Variants in SLC1A1 observed in about 807,000 individuals in gnomAD.
SLC1A1 encodes the protein solute carrier family 1 member 1.
SLC1A1 carries 43 observed loss-of-function variants against 53.3 expected under a neutral mutation model. The ratio of observed to expected loss-of-function variants is 0.81; its 90% CI spans 0.63 to 1.04. The LOEUF (loss-of-function observed/expected upper bound fraction) is 1.04, where lower values mean the gene tolerates loss of function less well. SLC1A1 is among the 50% of genes least tolerant of loss of function. SLC1A1 has a pLI of 0.00. For synonymous variants in SLC1A1, 307 were observed against 243.2 expected, an observed-to-expected ratio of 1.26 and a Z score of -2.44; for missense variants, 748 against 664.9, an observed-to-expected ratio of 1.12 and a Z score of -1.37.
intron 2 of SLC1A1, among the ~76,000 whole-genome samples, chr9:4,552,237 A>T (rs1817993784): frequency 6.6e-6 from 1 of 152,220 alleles, no homozygotes; most frequent in Non-Finnish European, 1.5e-5. Context: ...TCTGCTAGAC[A>T]CACAAGGTGT....
At chr9:4,550,882 C>T (rs1817873542) in intron 2 of SLC1A1, among the ~76,000 whole-genome samples, 1 of 152,184 alleles carries the variant, frequency 6.6e-6, no homozygotes, top group African/African-American at 2.4e-5. Flanking sequence ...AACTACCCAA[C>T]TCTGTTTGTC....
chr9:4,501,305 T>G lies in SLC1A1; in HGVS notation c.91+10535T>G, dbSNP rs575171707. On this transcript the variant is annotated intron_variant, in intron 1 of 11. Transcript: ENST00000262352. Reference sequence around the variant, plus strand: ...TCAAACAATTTTCCTGCTATCATCATGTGACTCTCTGCTTGGTCTGCATGT... The same window carrying G: ...TCAAACAATTTTCCTGCTATCATCAGGTGACTCTCTGCTTGGTCTGCATGT... Among the ~76,000 whole-genome samples, 5 of 151,310 alleles carry G rather than the reference T, an allele frequency of 3.3e-5. No individual in the cohort carries two copies. In the South Asian group the frequency reaches 1.0e-3, roughly 32 times the overall value.
intron 1 of SLC1A1, among the ~76,000 whole-genome samples, chr9:4,534,771 C>A (rs148678826): frequency 0.022 from 3,349 of 152,182 alleles, 130 homozygotes; most frequent in African/African-American, 0.078. Context: ...GAATTTTAGA[C>A]CAATATCCCT....
chr9:4,491,646 T>G (rs182943990), intron 1 of SLC1A1, among the ~76,000 whole-genome samples: 5 of 152,296 alleles, frequency 3.3e-5, no homozygotes, highest in Admixed American at 2.6e-4. Context: ...AGGTTGTGTG[T>G]TTCTAGCTCC....
intron 1 of SLC1A1, among the ~76,000 whole-genome samples, chr9:4,518,499 TG>T (rs767501007): frequency 2.0e-5 from 3 of 152,074 alleles, no homozygotes; most frequent in Non-Finnish European, 4.4e-5. Context: ...CCCTAATAGC[TG>T]GGATTACACA....
intron 1 of SLC1A1, among the ~76,000 whole-genome samples, chr9:4,510,565 G>A (rs72687861): frequency 0.033 from 5,092 of 152,214 alleles, 141 homozygotes; most frequent in South Asian, 0.059. Context: ...ATCTGGACCT[G>A]TTGTCTCCTT....
At chr9:4,525,336 T>G (rs1354009001) in intron 1 of SLC1A1, among the ~76,000 whole-genome samples, 1 of 152,150 alleles carries the variant, frequency 6.6e-6, no homozygotes, top group Admixed American at 6.5e-5. Flanking sequence ...TACACCACTG[T>G]GTAATGCCGA....
chr9:4,564,273 C>A, intron 3 of SLC1A1, 71 bp from the exon 4 acceptor site: 2 of 1,029,070 alleles, frequency 1.9e-6, no homozygotes, highest in South Asian at 1.3e-5. Flanking sequence ...GCCCATTGTT[C>A]TAAAGGTGCC....
chr9:4,501,114 C>G (rs780978162), intron 1 of SLC1A1, among the ~76,000 whole-genome samples: 1 of 148,200 alleles, frequency 6.7e-6, no homozygotes, highest in Non-Finnish European at 1.5e-5. Flanking sequence ...CAACACAGGA[C>G]AATTGTCACA....
rs1016433250 is a variant in SLC1A1, at chr9:4,561,680, T to C, written c.325+139T>C. The C allele has an allele frequency of 5.0e-5, 36 of 725,196 alleles. No individual in the cohort carries two copies. The Middle Eastern group carries it at 8.8e-4, about 18-fold the overall frequency. The allele number at this position is 725,196 out of a possible 1,614,324, so 44.9% of individuals were successfully genotyped here. On this transcript the variant is annotated intron_variant, in intron 3 of 11. Transcript: ENST00000262352. ...GCTGATGTGGGCAGATCCCTTGAGG[T>C]CAGGGGTTTGAGACCAGCCTGGCCA...
At position 4,533,304 on chromosome 9, in the gene SLC1A1, G is replaced by A. The variant is rs190771493; in HGVS notation, c.92-11263G>A. 2.6e-5 allele frequency among the ~76,000 whole-genome samples: 4 copies of A among 152,294 alleles called. No homozygotes were observed. The East Asian group carries it at 7.7e-4, about 29-fold the overall frequency. ...AAGAGTCAAGACCCATCAGTGTGCT[G>A]TATTCAGGAAACCCATCTCATGGGC... On this transcript the variant is annotated intron_variant, in intron 1 of 11. Coordinates refer to ENST00000262352, the MANE Select transcript of SLC1A1 (RefSeq NM_004170.6).
At chr9:4,564,238 T>A in intron 3 of SLC1A1, 106 bp from the exon 4 acceptor site, 1 of 800,414 alleles carries the variant, frequency 1.2e-6, no homozygotes, top group Non-Finnish European at 2.2e-6. Context: ...GTCCTCCCCA[T>A]CACACTATTG....
At position 4,556,545 on chromosome 9, in the gene SLC1A1, C is replaced by A. The variant is rs942529033; in HGVS notation, c.233-4904C>A. ...AGACCTCGCCAGCCACCAAAGATGG[C>A]CTGAGAGCAAGAAACCCGGGGGTCC... On this transcript the variant is annotated intron_variant, in intron 2 of 11. Transcript: ENST00000262352. This position sits in a 1 kb window ranked among gnomAD's most constrained non-coding sequence, Gnocchi z 4.1. Among the ~76,000 whole-genome samples, 2 of 152,106 alleles carry A rather than the reference C, an allele frequency of 1.3e-5. No homozygotes were observed. Among genetic ancestry groups the A allele is most frequent in the Non-Finnish European group, 2.9e-5 (2 of 68,028 alleles).
intron 1 of SLC1A1, among the ~76,000 whole-genome samples, chr9:4,523,205 G>A (rs1179611207): frequency 1.3e-5 from 2 of 152,148 alleles, no homozygotes; most frequent in Non-Finnish European, 2.9e-5. Context: ...AGCTCCTTGA[G>A]GGAAGGGTCT....
At chr9:4,544,352 G>C (rs1428756094) in intron 1 of SLC1A1, among the ~76,000 whole-genome samples, 1 of 152,148 alleles carries the variant, frequency 6.6e-6, no homozygotes, top group Non-Finnish European at 1.5e-5. Flanking sequence ...TTCATGTATA[G>C]AATACTTTTT....
rs1335179449 is a variant in SLC1A1, at chr9:4,583,266, T to A, written c.1328+94T>A. 1 of 1,510,586 alleles carries A rather than the reference T, an allele frequency of 6.6e-7. No individual in the cohort carries two copies. The highest frequency in any genetic ancestry group is 9.2e-7 in the Non-Finnish European group (1 of 1,088,338). The allele number at this position is 1,510,586 out of a possible 1,614,324, so 93.6% of individuals were successfully genotyped here. ...AGTCTGTCATCATTCTCTCCTCAGA[T>A]TGCCTAATGAGCCACCTGTTGCTGC... On this transcript the variant is annotated intron_variant, in intron 11 of 11. Transcript: ENST00000262352. The surrounding 1 kb of genome is among the most constrained non-coding windows in gnomAD (Gnocchi z 4.6).
chr9:4,580,594 A>AAT (rs1165745773), intron 10 of SLC1A1, among the ~76,000 whole-genome samples: 21 of 82,862 alleles, frequency 2.5e-4, no homozygotes, highest in South Asian at 3.4e-4. Context: ...AAAAAAAAAA[A>AAT]ATATATATGT....
intron 1 of SLC1A1, among the ~76,000 whole-genome samples, chr9:4,531,556 G>T (rs368530767): frequency 2.6e-5 from 4 of 152,164 alleles, no homozygotes; most frequent in Admixed American, 6.5e-5. Flanking sequence ...CAAAGCAGCC[G>T]GGAAGCTCGA....
intron 1 of SLC1A1, among the ~76,000 whole-genome samples, chr9:4,532,556 G>T (rs1375116294): frequency 6.6e-6 from 1 of 152,114 alleles, no homozygotes; most frequent in African/African-American, 2.4e-5. Context: ...AGAAATATGG[G>T]ACTATGTGAA....
Sources: gnomAD v4.1 joint callset for allele counts (sites outside exome capture counted in the v4.1 genomes callset) on GRCh38, gnomAD v4.1.1 for gene constraint, Gnocchi (gnomAD v3.1) non-coding constraint, MANE v1.5 for transcripts, NCBI Gene and HGNC (gene_info 2026-07-23, HGNC 2026-07-21) for gene names.